NLRP5: variants seen among roughly 807,000 people sequenced by gnomAD.
The protein encoded by NLRP5 is NACHT, LRR and PYD domains-containing protein 5.
NLRP5 carries 93 observed loss-of-function variants against 113.1 expected under a neutral mutation model. That is an observed-to-expected ratio of 0.82 (90% CI 0.70 to 0.98). The LOEUF is 0.98. Among genes scored for constraint, NLRP5 ranks in the 50% least tolerant of loss-of-function variants. The pLI is 0.00. For synonymous variants in NLRP5, 751 were observed against 600.7 expected, an observed-to-expected ratio of 1.25 and a Z score of -3.66; for missense variants, 1,808 against 1,514.3, an observed-to-expected ratio of 1.19 and a Z score of -3.22.
chr19:56,041,050 G>A lies in NLRP5; in HGVS notation c.2915G>A (p.Cys972Tyr). 6.2e-7 allele frequency: 1 copy of A among 1,613,990 alleles called. No individual in the cohort carries two copies. The highest frequency in any genetic ancestry group is 8.5e-7 in the Non-Finnish European group (1 of 1,179,882). The change falls in exon 11 of 15, where the codon TGT (cysteine) becomes TAT (tyrosine). Residue 972 changes from cysteine (C) to tyrosine (Y), a missense_variant. By Grantham distance (194) the Cys-to-Tyr change is radical (BLOSUM62 -2). Coordinates refer to ENST00000390649, the MANE Select transcript of NLRP5 (RefSeq NM_153447.4). Reference sequence around the variant, plus strand: ...GGGAACGAAGGTGTAAATCTACTGTGTCGATCCATGAGGCTTCCCCACTGT... The same window carrying A: ...GGGAACGAAGGTGTAAATCTACTGTATCGATCCATGAGGCTTCCCCACTGT...
intron 1 of NLRP5, among the ~76,000 whole-genome samples, chr19:56,002,711 C>G (rs548003287): frequency 5.7e-5 from 8 of 140,616 alleles, no homozygotes; most frequent in Non-Finnish European, 1.1e-4. Flanking sequence ...TGAGAACATG[C>G]AGTGTTTGGC....
chr19:55,991,726 C>T, the NLRP5 span, among the ~76,000 whole-genome samples: 1 of 152,144 alleles, frequency 6.6e-6, no homozygotes, highest in African/African-American at 2.4e-5. Context: ...TTAATTTTCA[C>T]CTTTTTCCAC....
rs1410556226 is a variant in NLRP5, at chr19:56,061,488, A to C, written c.3563A>C (p.His1188Pro). ...CGAGTCGTAATTGACGGTAGTTGGC[A>C]TTCTTTTGATGAAGATGACCGGTAC... Residue 1188 changes from histidine (H) to proline (P), a missense_variant, in exon 15 of 15, where the codon CAT (histidine) becomes CCT (proline). Physicochemically the swap from His to Pro is moderately conservative, Grantham distance 77. Transcript: ENST00000390649. 1 of 1,614,058 alleles carries C rather than the reference A, an allele frequency of 6.2e-7. No homozygotes were observed. Among genetic ancestry groups the C allele is most frequent in the Admixed American group, 1.7e-5 (1 of 60,026 alleles).
At chr19:55,988,425 A>AATATAT in the NLRP5 span, 2 of 85,102 alleles carry the variant, frequency 2.4e-5, no homozygotes, top group African/African-American at 1.1e-4. Context: ...TATACACATA[A>AATATAT]ATATATATAT....
intron 3 of NLRP5, among the ~76,000 whole-genome samples, chr19:56,010,429 C>A (rs1043589740): frequency 6.6e-6 from 1 of 152,056 alleles, no homozygotes; most frequent in Admixed American, 6.6e-5. Flanking sequence ...GTCGTTGCTC[C>A]TGATGGGCTG....
chr19:56,034,076 T>C (rs1336103929), intron 9 of NLRP5, among the ~76,000 whole-genome samples: 1 of 152,168 alleles, frequency 6.6e-6, no homozygotes, highest in Non-Finnish European at 1.5e-5. Context: ...AGCGAGATTT[T>C]AATTGTATAG....
chr19:56,056,523 C>T (rs988376262), intron 13 of NLRP5, among the ~76,000 whole-genome samples: 4 of 152,082 alleles, frequency 2.6e-5, no homozygotes, highest in Admixed American at 6.5e-5. Context: ...TGCCACTGCA[C>T]TCCAGCCTGG....
chr19:56,012,453 T>C (rs1038536892), intron 3 of NLRP5, among the ~76,000 whole-genome samples: 11 of 151,500 alleles, frequency 7.3e-5, no homozygotes, highest in Non-Finnish European at 1.5e-4. Flanking sequence ...TTGGCCTTTT[T>C]TTTTTTTTTT....
rs774175829 is a variant in NLRP5 at position 56,004,088 on chromosome 19, C to T, written c.435C>T (p.Asp145=). ...CCCTCTCGGAGAAGGCACGGGATGACATGAAAAGTAAGCGAGACTTGGGAC... is the reference window on the plus strand; with the variant it reads ...CCCTCTCGGAGAAGGCACGGGATGATATGAAAAGTAAGCGAGACTTGGGAC... The change falls in exon 2 of 15, where the codon GAC becomes GAT. Residue 145 remains aspartate, a synonymous_variant. Coordinates refer to ENST00000390649, the MANE Select transcript of NLRP5 (RefSeq NM_153447.4). 6.2e-7 allele frequency: 1 copy of T among 1,601,762 alleles called. No individual in the cohort carries two copies. Among genetic ancestry groups the T allele is most frequent in the Admixed American group, 1.7e-5 (1 of 58,272 alleles).
intron 4 of NLRP5, among the ~76,000 whole-genome samples, chr19:56,018,903 C>T (rs1410407198): frequency 6.6e-6 from 1 of 152,182 alleles, no homozygotes; most frequent in Non-Finnish European, 1.5e-5. Context: ...AAGTTACTCT[C>T]CTGCTTCAGC....
rs1555765383 is a variant in NLRP5 at position 56,013,596 on chromosome 19, G to GGTTTT, written c.509-2146_509-2145insGTTTT. 2.9e-3 allele frequency among the ~76,000 whole-genome samples: 170 copies of GGTTTT among 59,266 alleles called. 15 individuals are homozygous for GGTTTT. Among genetic ancestry groups the GGTTTT allele is most frequent in the African/African-American group, 6.1e-3 (71 of 11,552 alleles). The allele number at this position is 59,266 out of a possible 152,430, so 38.9% of individuals were successfully genotyped here. ...CATTTATCACATGATGGACATTTGG[G>GGTTTT]TTTTTTTTTTTTTTTTTTTTTGCTA... is the stretch of plus-strand genomic sequence containing the variant. On this transcript the variant is annotated intron_variant, in intron 3 of 14. Coordinates refer to ENST00000390649, the MANE Select transcript of NLRP5 (RefSeq NM_153447.4).
intron 10 of NLRP5, 33 bp downstream of exon 10, chr19:56,038,228 G>A (rs752276353): frequency 1.0e-5 from 16 of 1,572,698 alleles, no homozygotes; most frequent in South Asian, 7.8e-5. Flanking sequence ...CAGGATTATC[G>A]TAACTTCCAC....
chr19:55,996,925 T>C (rs1171248298), upstream of NLRP5, among the ~76,000 whole-genome samples: 1 of 152,228 alleles, frequency 6.6e-6, no homozygotes, highest in African/African-American at 2.4e-5. Context: ...ACTTCCACAA[T>C]GGTTGAACTA....
At chr19:56,011,402 G>A (rs1982186095) in intron 3 of NLRP5, among the ~76,000 whole-genome samples, 1 of 152,052 alleles carries the variant, frequency 6.6e-6, no homozygotes, top group Non-Finnish European at 1.5e-5. Context: ...TGATTAAGAT[G>A]TTCTAAAATT....
intron 13 of NLRP5, among the ~76,000 whole-genome samples, chr19:56,055,022 CAG>C (rs1486124380): frequency 4.9e-5 from 5 of 101,586 alleles, no homozygotes; most frequent in East Asian, 7.2e-4. Flanking sequence ...TTTTTTGAGA[CAG>C]AGTCTTACTC....
chr19:56,040,177 G>A (rs889916023), intron 10 of NLRP5, among the ~76,000 whole-genome samples: 1 of 152,096 alleles, frequency 6.6e-6, no homozygotes, highest in African/African-American at 2.4e-5. Flanking sequence ...GAACTCCTGG[G>A]CTCAAACAGT....
chr19:56,027,639 A>C lies in NLRP5; in HGVS notation c.1406A>C (p.Gln469Pro). The stretch of plus-strand genomic sequence containing the variant: ...AACCGTGAGCTGCTCGACCAGTGCC[A>C]GGTGCCCGCCGTGGGCTCTCTCATC... The change falls in exon 7 of 15, where the codon CAG becomes CCG. Residue 469 changes from glutamine (Q) to proline (P), a missense_variant. Transcript: ENST00000390649. 6.2e-7 allele frequency: 1 copy of C among 1,613,524 alleles called. No individual in the cohort carries two copies. Among genetic ancestry groups the C allele is most frequent in the Non-Finnish European group, 8.5e-7 (1 of 1,179,886 alleles).
At chr19:56,026,372 C>T (rs964469921) in intron 6 of NLRP5, among the ~76,000 whole-genome samples, 5 of 151,300 alleles carry the variant, frequency 3.3e-5, no homozygotes, top group African/African-American at 1.2e-4. Context: ...ACTAAAAATA[C>T]AGAAAATTAG....
chr19:56,032,506 G>A (rs992329707), intron 7 of NLRP5, 105 bp from the exon 8 acceptor site: 43 of 998,216 alleles, frequency 4.3e-5, no homozygotes, highest in African/African-American at 1.1e-4. Flanking sequence ...TAAAGCCACC[G>A]TGGTCTCACC....
Sources: allele counts gnomAD v4.1 joint callset (sites outside exome capture counted in the v4.1 genomes callset), GRCh38; gene constraint gnomAD v4.1.1; transcripts MANE v1.5; gene names NCBI Gene and HGNC (gene_info 2026-07-23, HGNC 2026-07-21).